CDKN2A: variants seen among roughly 807,000 people sequenced by gnomAD.
The protein encoded by CDKN2A is cyclin dependent kinase inhibitor 2A, also known as cyclin-dependent kinase inhibitor 2A.
CDKN2A carries 3 observed loss-of-function variants against 11.1 expected under a neutral mutation model. The ratio of observed to expected loss-of-function variants is 0.27; its 90% CI spans 0.12 to 0.70. The LOEUF (loss-of-function observed/expected upper bound fraction) is 0.70. CDKN2A is among the 30% of genes least tolerant of loss of function. The pLI, the probability that CDKN2A is intolerant of heterozygous loss-of-function variation, is 0.77. For missense variants in CDKN2A, 265 were observed against 233.6 expected, an observed-to-expected ratio of 1.13 and a Z score of -0.88; for synonymous variants, 122 against 108.1, an observed-to-expected ratio of 1.13 and a Z score of -0.80.
chr9:21,981,003 CGTGTAT>C lies in CDKN2A; in HGVS notation c.-3-9801_-3-9796del, dbSNP rs1820168103. On this transcript the variant is annotated intron_variant, in intron 2 of 3. Coordinates refer to the CDKN2A transcript ENST00000494262. ...ATATATATACACGTATATATATATA[CGTGTAT>C]ATATATATATACGTGTATATATATA... Among the ~76,000 whole-genome samples the C allele has an allele frequency of 4.6e-4, 2 of 4,306 alleles. 1 individual carries two copies. Among genetic ancestry groups the C allele is most frequent in the African/African-American group, 1.0e-3 (2 of 1,962 alleles). The allele number at this position is 4,306 out of a possible 152,430, so 2.8% of individuals were successfully genotyped here. A position where few individuals can be genotyped will look rare whatever the true frequency, so the allele number is the denominator to read the frequency against.
chr9:21,993,222 G>A (rs1169462606), intron 2 of CDKN2A, among the ~76,000 whole-genome samples: 1 of 152,170 alleles, frequency 6.6e-6, no homozygotes, highest in Non-Finnish European at 1.5e-5. Context: ...TATTACACAA[G>A]TTTTAATTAG....
Position 21,974,525 on chromosome 9 carries a change from A to T in CDKN2A, c.150+153T>A, listed in dbSNP as rs150447516. Reference sequence around the variant, plus strand: ...AAGCCCCCAGGGCGTCGCCAGGAGGAGGTCTGTGATTACAAACCCCTTCTG... The same window carrying T: ...AAGCCCCCAGGGCGTCGCCAGGAGGTGGTCTGTGATTACAAACCCCTTCTG... On this transcript the variant is annotated intron_variant, in intron 1 of 2. Transcript: ENST00000304494. This position sits in a 1 kb window ranked among gnomAD's most constrained non-coding sequence, Gnocchi z 5.2. The T allele has an allele frequency of 5.0e-4, 806 of 1,613,142 alleles. 4 individuals are homozygous for T. The African/African-American group carries it at 9.6e-3, about 19-fold the overall frequency.
At chr9:21,993,019 G>A (rs535482581) in intron 2 of CDKN2A, among the ~76,000 whole-genome samples, 62 of 152,196 alleles carry the variant, frequency 4.1e-4, no homozygotes, top group Non-Finnish European at 7.5e-4. Context: ...TTTGCTAATA[G>A]AAATTGAGAC....
Position 21,974,309 on chromosome 9 carries a change from T to C in CDKN2A, c.150+369A>G, listed in dbSNP as rs1819917112. ...TAAGCTCCATCCAGGTATCTGTGAATTGGAGGCTAAGTAGTCCCAGCACAT... is the reference window on the plus strand; with the variant it reads ...TAAGCTCCATCCAGGTATCTGTGAACTGGAGGCTAAGTAGTCCCAGCACAT... On this transcript the variant is annotated intron_variant, in intron 1 of 2. Coordinates refer to ENST00000304494, the MANE Select transcript of CDKN2A (RefSeq NM_000077.5). The surrounding 1 kb of genome is among the most constrained non-coding windows in gnomAD (Gnocchi z 5.2). 2 of 987,840 alleles carry C rather than the reference T, an allele frequency of 2.0e-6. No individual in the cohort carries two copies. Among genetic ancestry groups the C allele is most frequent in the East Asian group, 3.4e-5 (1 of 29,074 alleles). The allele number at this position is 987,840 out of a possible 1,614,324, so 61.2% of individuals were successfully genotyped here.
chr9:21,994,532 C>A (rs932740398), intron 1 of CDKN2A: 10 of 1,284,438 alleles, frequency 7.8e-6, no homozygotes, highest in Admixed American at 6.0e-5. Context: ...ACCCCACCCC[C>A]ACTCCCACCC....
In CDKN2A at chr9:21,968,431, C is replaced by T. The variant is rs2131080612; in HGVS notation, c.458-189G>A. The T allele has an allele frequency of 1.3e-6, 2 of 1,504,902 alleles. No homozygotes were observed. The highest frequency in any genetic ancestry group is 1.8e-6 in the Non-Finnish European group (2 of 1,128,580). 93.2% of individuals were successfully genotyped at this position (1,504,902 alleles called of 1,614,324 possible). On this transcript the variant is annotated intron_variant, in intron 2 of 2. Transcript: ENST00000304494. The surrounding 1 kb of genome is among the most constrained non-coding windows in gnomAD (Gnocchi z 4.7). ...CCTCCCTGGTCCAGCAGCTAGTCCA[C>T]TGCCCGCCTGGCTGCTCCAGGCGCG...
chr9:21,992,192 T>A (rs540750630), intron 2 of CDKN2A: 1 of 884,786 alleles, frequency 1.1e-6, no homozygotes, highest in Admixed American at 6.2e-5. Flanking sequence ...TTCATACAAG[T>A]AATTTTTAGC....
At chr9:21,986,577 A>G (rs935367190) in intron 2 of CDKN2A, among the ~76,000 whole-genome samples, 3 of 151,984 alleles carry the variant, frequency 2.0e-5, no homozygotes, top group Non-Finnish European at 4.4e-5. Context: ...CATGCAACCT[A>G]TCTGAGCCTC....
At position 21,967,781 on chromosome 9, in the gene CDKN2A, T is replaced by G; in HGVS notation, c.*448A>C. On this transcript the variant is annotated 3_prime_UTR_variant, in exon 3 of 3. Transcript: ENST00000304494. The stretch of plus-strand genomic sequence containing the variant: ...TGAATGAATGAAAATTATTTTATTT[T>G]TATTTGAGCTTTGGTTCTGCCATTT... 1 of 291,188 alleles carries G rather than the reference T, an allele frequency of 3.4e-6. No homozygotes were observed. The highest frequency in any genetic ancestry group is 4.7e-5 in the Admixed American group (1 of 21,480). The allele number at this position is 291,188 out of a possible 1,614,324, so 18.0% of individuals were successfully genotyped here. A position where few individuals can be genotyped will look rare whatever the true frequency, so the allele number is the denominator to read the frequency against.
intron 2 of CDKN2A, chr9:21,969,431 A>T: frequency 6.7e-6 from 2 of 298,874 alleles, no homozygotes; most frequent in Non-Finnish European, 1.2e-5. Context: ...GGTCTCATTC[A>T]CCTTGGCGTG....
rs115661317 is a variant in CDKN2A, at chr9:21,968,418, A to C, written c.458-176T>G. The C allele has an allele frequency of 1.0e-6, 1 of 982,070 alleles. No individual in the cohort carries two copies. The highest frequency in any genetic ancestry group is 1.2e-6 in the Non-Finnish European group (1 of 826,940). 60.8% of individuals were successfully genotyped at this position (982,070 alleles called of 1,614,324 possible). ...CCGCTCTCCCACACCTCCCTGGTCC[A>C]GCAGCTAGTCCACTGCCCGCCTGGC... On this transcript the variant is annotated intron_variant, in intron 2 of 2. Coordinates refer to ENST00000304494, the MANE Select transcript of CDKN2A (RefSeq NM_000077.5). The surrounding 1 kb of genome is among the most constrained non-coding windows in gnomAD (Gnocchi z 4.7).
At chr9:21,977,344 C>A (rs1392938274), upstream of CDKN2A, among the ~76,000 whole-genome samples, 1 of 151,998 alleles carries the variant, frequency 6.6e-6, no homozygotes, top group African/African-American at 2.4e-5. Context: ...ATGGTTCTTT[C>A]TTTTTGTTTG....
At chr9:21,990,717 CTA>C (rs1820413508) in intron 2 of CDKN2A, among the ~76,000 whole-genome samples, 1 of 149,176 alleles carries the variant, frequency 6.7e-6, no homozygotes, top group African/African-American at 2.5e-5. Context: ...ATTTAACAGT[CTA>C]TGAAATATTC....
upstream of CDKN2A, among the ~76,000 whole-genome samples, chr9:21,975,613 G>T (rs936748989): frequency 6.6e-6 from 1 of 152,162 alleles, no homozygotes; most frequent in Non-Finnish European, 1.5e-5. Context: ...TGGGGCAAGG[G>T]TTTCTCAGAC....
chr9:21,992,733 A>C (rs1052354089), intron 2 of CDKN2A, among the ~76,000 whole-genome samples: 5 of 151,964 alleles, frequency 3.3e-5, no homozygotes, highest in African/African-American at 1.2e-4. Flanking sequence ...AATAATATTA[A>C]CTAGAGTAAT....
intron 1 of CDKN2A, chr9:21,994,062 G>A (rs1820520189): frequency 6.7e-7 from 1 of 1,485,522 alleles, no homozygotes; most frequent in Non-Finnish European, 9.1e-7. Context: ...GGCTAGAGAC[G>A]AATTATCTGT....
At chr9:21,994,679 C>T (rs997469963) in intron 1 of CDKN2A, 4 of 330,628 alleles carry the variant, frequency 1.2e-5, no homozygotes, top group Non-Finnish European at 2.2e-5. Flanking sequence ...ACTTTCCCGC[C>T]CTGTGTGCGC....
At position 21,994,295 on chromosome 9, in the gene CDKN2A, G is replaced by A. The variant is rs1389587108; in HGVS notation, c.-175-242C>T. 6.2e-7 allele frequency: 1 copy of A among 1,604,146 alleles called. No homozygotes were observed. The highest frequency in any genetic ancestry group is 8.5e-7 in the Non-Finnish European group (1 of 1,175,986). ...CTCACTCGCGGCGGGCCGCACGCGCGCCGAATCCGGAGGGTCACCAAGAAC... is the reference window on the plus strand; with the variant it reads ...CTCACTCGCGGCGGGCCGCACGCGCACCGAATCCGGAGGGTCACCAAGAAC... On this transcript the variant is annotated intron_variant, in intron 1 of 3. Coordinates refer to the CDKN2A transcript ENST00000494262.
intron 1 of CDKN2A, chr9:21,994,532 C>G (rs932740398): frequency 2.3e-6 from 3 of 1,284,438 alleles, no homozygotes; most frequent in Non-Finnish European, 3.1e-6. Context: ...ACCCCACCCC[C>G]ACTCCCACCC....
Sources: allele counts gnomAD v4.1 joint callset (sites outside exome capture counted in the v4.1 genomes callset), GRCh38; gene constraint gnomAD v4.1.1; non-coding constraint Gnocchi (gnomAD v3.1); transcripts MANE v1.5; gene names NCBI Gene and HGNC (gene_info 2026-07-23, HGNC 2026-07-21).